C12orf56: variants seen among roughly 807,000 people sequenced by gnomAD.
The protein encoded by C12orf56 is uncharacterized protein C12orf56.
C12orf56 carries 71 observed loss-of-function variants against 69.9 expected under a neutral mutation model. That is an observed-to-expected ratio of 1.02 (90% CI 0.84 to 1.24). The LOEUF is 1.24. Ranked by LOEUF, C12orf56 falls within the 50% of genes most tolerant of loss-of-function variation. The pLI, the probability that C12orf56 is intolerant of heterozygous loss-of-function variation, is 0.00. For synonymous variants in C12orf56, 276 were observed against 274.1 expected, an observed-to-expected ratio of 1.01 and a Z score of -0.07; for missense variants, 732 against 738.5, an observed-to-expected ratio of 0.99 and a Z score of 0.10.
At chr12:64,350,414 TA>T (rs1009645766) in intron 2 of C12orf56, among the ~76,000 whole-genome samples, 6 of 152,202 alleles carry the variant, frequency 3.9e-5, no homozygotes, top group Admixed American at 2.0e-4. Flanking sequence ...CAGAGTGGCT[TA>T]AAAAAAATCT....
chr12:64,270,596 C>T lies in C12orf56; in HGVS notation c.1703G>A (p.Cys568Tyr), dbSNP rs371749635. The T allele has an allele frequency of 5.0e-6, 8 of 1,613,318 alleles. No homozygotes were observed. Among genetic ancestry groups the T allele is most frequent in the Non-Finnish European group, 6.8e-6 (8 of 1,179,676 alleles). Residue 568 changes from cysteine to tyrosine, a missense_variant, in exon 12 of 13, where the codon TGT becomes TAT. Physicochemically the swap from Cys to Tyr is radical, Grantham distance 194. Coordinates refer to ENST00000543942, the MANE Select transcript of C12orf56 (RefSeq NM_001170633.2). ...LYQQFYILKS[C>Y]LRHSRTLAEY... ...AGCTAGAGTCCTGCTGTGCCGCAGA[C>T]AGCTCTTGAGGATGTAAAATTGCTG...
intron 6 of C12orf56, among the ~76,000 whole-genome samples, chr12:64,293,761 A>G (rs1416009860): frequency 6.6e-6 from 1 of 152,226 alleles, no homozygotes; most frequent in Non-Finnish European, 1.5e-5. Context: ...CAAATGCAAA[A>G]GAGTACTTAG....
At chr12:64,345,253 A>G (rs2039125140) in intron 2 of C12orf56, among the ~76,000 whole-genome samples, 2 of 151,656 alleles carry the variant, frequency 1.3e-5, no homozygotes, top group Non-Finnish European at 2.9e-5. Context: ...TTGCCTGGCA[A>G]CTGCCTCAGG....
chr12:64,362,345 C>G (rs1370688010), intron 1 of C12orf56, among the ~76,000 whole-genome samples: 1 of 152,048 alleles, frequency 6.6e-6, no homozygotes, highest in Non-Finnish European at 1.5e-5. Context: ...GGATCAGGCA[C>G]AAGAAAGAAT....
rs201212935 is a variant in C12orf56, at chr12:64,270,640, G to T, written c.1659C>A (p.Cys553Ter). 9.0e-4 allele frequency: 1,449 copies of T among 1,613,784 alleles called. 2 individuals carry two copies. The highest frequency in any genetic ancestry group is 1.1e-3 in the Non-Finnish European group (1,356 of 1,179,808). ...ATTGCTGGTACAACAGAACTGCTTG[G>T]CAGGGACTTAGCAGCTGAAATGAAG... is the stretch of plus-strand genomic sequence containing the variant. ...LSASFQLLSP[C>*]QAVLLYQQFY... Residue 553 changes from cysteine to a stop codon, truncating the protein, a stop_gained, in exon 12 of 13, where the codon TGC (cysteine) becomes TGA (stop). Transcript: ENST00000543942. LOFTEE classifies it high-confidence loss of function.
chr12:64,305,532 C>T (rs1339931358), intron 5 of C12orf56, among the ~76,000 whole-genome samples: 1 of 152,104 alleles, frequency 6.6e-6, no homozygotes, highest in East Asian at 1.9e-4. Flanking sequence ...CAGGCGAGCA[C>T]CACCATACCC....
chr12:64,311,616 C>T (rs1161055233), intron 5 of C12orf56, among the ~76,000 whole-genome samples: 4 of 151,892 alleles, frequency 2.6e-5, no homozygotes, highest in Admixed American at 2.6e-4. Flanking sequence ...ATGATAGGCC[C>T]CAGAGGGAAG....
chr12:64,340,824 AC>A (rs1169320834), intron 2 of C12orf56, among the ~76,000 whole-genome samples: 2 of 152,130 alleles, frequency 1.3e-5, no homozygotes, highest in Admixed American at 6.5e-5. Context: ...TTCAGCAAGC[AC>A]CTCAGCAGGT....
At chr12:64,273,621 T>C (rs1035500149) in intron 11 of C12orf56, among the ~76,000 whole-genome samples, 28 of 152,160 alleles carry the variant, frequency 1.8e-4, no homozygotes, top group Admixed American at 1.6e-3. Flanking sequence ...AAAATACCAG[T>C]GCTTTGCTTG....
intron 1 of C12orf56, among the ~76,000 whole-genome samples, chr12:64,384,946 C>T (rs747761521): frequency 3.3e-5 from 5 of 151,388 alleles, no homozygotes; most frequent in Non-Finnish European, 7.4e-5. Context: ...CCCAGCTACC[C>T]GAGAGGCTGA....
At chr12:64,375,850 C>T (rs1167026059) in intron 1 of C12orf56, among the ~76,000 whole-genome samples, 1 of 152,084 alleles carries the variant, frequency 6.6e-6, no homozygotes, top group Non-Finnish European at 1.5e-5. Flanking sequence ...TTGTGATGTG[C>T]GATGAAAAGT....
intron 12 of C12orf56, chr12:64,267,634 C>A: frequency 4.6e-6 from 1 of 215,944 alleles, no homozygotes; most frequent in Non-Finnish European, 9.0e-6. Context: ...CTACTAGGGC[C>A]AAGTCAAGAG....
At position 64,266,880 on chromosome 12, in the gene C12orf56, G is replaced by T; in HGVS notation, c.*303C>A. On this transcript the variant is annotated 3_prime_UTR_variant, in exon 13 of 13. Coordinates refer to ENST00000543942, the MANE Select transcript of C12orf56 (RefSeq NM_001170633.2). ...AAATCCCTGCATTCCTTTTTCCTGT[G>T]TCTTGATGGATAGTCGTTTATTTTG... 2.9e-6 allele frequency: 1 copy of T among 348,832 alleles called. No homozygotes were observed. The highest frequency in any genetic ancestry group is 5.1e-6 in the Non-Finnish European group (1 of 196,762). 21.6% of individuals were successfully genotyped at this position (348,832 alleles called of 1,614,324 possible).
At chr12:64,305,375 T>TTTTG (rs530711045) in intron 5 of C12orf56, among the ~76,000 whole-genome samples, 331 of 152,014 alleles carry the variant, frequency 2.2e-3, no homozygotes, top group Middle Eastern at 0.01. Flanking sequence ...GTGCTGGGTT[T>TTTTG]TTTGTTTGTT....
chr12:64,351,387 G>C (rs6581549), intron 2 of C12orf56, among the ~76,000 whole-genome samples: 62,035 of 151,930 alleles, frequency 0.41, 13,268 homozygotes, highest in Non-Finnish European at 0.48. Context: ...CAAAGCCCTA[G>C]GAAAGAAAGC....
rs1359129957 is a variant in C12orf56 at position 64,390,304 on chromosome 12, C to G, written c.252+10G>C. On this transcript the variant is annotated intron_variant, in intron 1 of 12. Coordinates refer to ENST00000543942, the MANE Select transcript of C12orf56 (RefSeq NM_001170633.2). ...GCTCCCGAGCCCGCCTGCCCACCCG[C>G]GCCGCTCACCAGGTCAATGGCCACG... is the stretch of plus-strand genomic sequence containing the variant. The G allele has an allele frequency of 3.8e-6, 6 of 1,596,926 alleles. No individual in the cohort carries two copies. Among genetic ancestry groups the G allele is most frequent in the Non-Finnish European group, 4.3e-6 (5 of 1,172,676 alleles).
chr12:64,343,017 C>T (rs1178008951), intron 2 of C12orf56, among the ~76,000 whole-genome samples: 2 of 152,272 alleles, frequency 1.3e-5, no homozygotes, highest in Non-Finnish European at 2.9e-5. Flanking sequence ...AACTGGCAGC[C>T]TTTCAGGTCA....
At chr12:64,379,451 T>A (rs1355057382) in intron 1 of C12orf56, among the ~76,000 whole-genome samples, 1 of 151,666 alleles carries the variant, frequency 6.6e-6, no homozygotes, top group Non-Finnish European at 1.5e-5. Flanking sequence ...TGCCCGGCTA[T>A]TTTTTTGTAT....
chr12:64,308,925 AAAGAAAGAAAGAAAG>A (rs1294190790), intron 5 of C12orf56, among the ~76,000 whole-genome samples: 3 of 54,738 alleles, frequency 5.5e-5, no homozygotes, highest in Middle Eastern at 7.7e-3. Flanking sequence ...AGAAAGAAAG[AAAGAAAGAAAGAAAG>A]AAGAAAGAAA....
Sources: allele counts gnomAD v4.1 joint callset (sites outside exome capture counted in the v4.1 genomes callset), GRCh38; gene constraint gnomAD v4.1.1; transcripts MANE v1.5; gene names NCBI Gene and HGNC (gene_info 2026-07-23, HGNC 2026-07-21).